Variants in CBLB observed in about 807,000 individuals in gnomAD.
CBLB encodes the protein Cbl proto-oncogene B, also known as E3 ubiquitin-protein ligase CBL-B.
In CBLB, 31 loss-of-function variants were observed where a neutral mutation model predicts 104.9. The ratio of observed to expected loss-of-function variants is 0.30; its 90% CI spans 0.22 to 0.40. The LOEUF is 0.40. CBLB is among the 10% of genes least tolerant of loss of function. The pLI is 1.00. For missense variants in CBLB, 1,062 were observed against 1,214.6 expected, an observed-to-expected ratio of 0.87 and a Z score of 1.87; for synonymous variants, 440 against 422.6, an observed-to-expected ratio of 1.04 and a Z score of -0.51.
At position 105,681,765 on chromosome 3, in the gene CBLB, T is replaced by C. The variant is rs1432751674; in HGVS notation, c.2255A>G (p.Glu752Gly). 1 of 1,611,254 alleles carries C rather than the reference T, an allele frequency of 6.2e-7. No individual in the cohort carries two copies. Among genetic ancestry groups the C allele is most frequent in the Non-Finnish European group, 8.5e-7 (1 of 1,177,672 alleles). Residue 752 changes from glutamate (E) to glycine (G), a missense_variant, in exon 15 of 19, where the codon GAG becomes GGG. Transcript: ENST00000394030. Reference protein sequence around the residue: ...MLNGTHGPSSEKKSNIPDLSI... With the variant: ...MLNGTHGPSSGKKSNIPDLSI... ...TAAGTCAGGGATGTTTGATTTCTTC[T>C]CTGAAGATGGACCATGTGTTCCATT...
intron 18 of CBLB, among the ~76,000 whole-genome samples, chr3:105,660,394 G>A (rs1286838099): frequency 6.6e-6 from 1 of 151,112 alleles, no homozygotes; most frequent in Admixed American, 6.6e-5. Flanking sequence ...GTTTCACCAT[G>A]TTGATCAGGC....
intron 3 of CBLB, among the ~76,000 whole-genome samples, chr3:105,845,379 GA>G (rs34685404): frequency 0.048 from 4,096 of 85,436 alleles, 102 homozygotes; most frequent in East Asian, 0.15. Flanking sequence ...ATGGGGCTTA[GA>G]AAAAAAAAAA....
chr3:105,793,294 G>A (rs1053756500), intron 3 of CBLB, among the ~76,000 whole-genome samples: 2 of 152,080 alleles, frequency 1.3e-5, no homozygotes, highest in African/African-American at 4.8e-5. Flanking sequence ...TCTTGGTGGA[G>A]CACACAAGCA....
rs1376791995 is a variant in CBLB, at chr3:105,734,108, G to A, written c.1104C>T (p.Ser368=). The A allele has an allele frequency of 6.2e-7, 1 of 1,613,884 alleles. No homozygotes were observed. The highest frequency in any genetic ancestry group is 1.7e-5 in the Admixed American group (1 of 60,030). ...EQYELYCEMG[S]TFQLCKICAE... Reference sequence around the variant, plus strand: ...CACAAATCTTACAGAGCTGAAAAGTGGAGCCCATTTCACAATATAATTCAT... The same window carrying A: ...CACAAATCTTACAGAGCTGAAAAGTAGAGCCCATTTCACAATATAATTCAT... Residue 368 remains serine, a synonymous_variant, in exon 9 of 19, where the codon TCC becomes TCT. Transcript: ENST00000394030.
chr3:105,739,609 AC>A (rs2075315031), intron 7 of CBLB, among the ~76,000 whole-genome samples: 1 of 152,218 alleles, frequency 6.6e-6, no homozygotes, highest in African/African-American at 2.4e-5. Flanking sequence ...AATCTAAAAA[AC>A]AAAGGGAAAC....
chr3:105,765,117 C>A (rs565265837), intron 4 of CBLB, among the ~76,000 whole-genome samples: 1 of 152,284 alleles, frequency 6.6e-6, no homozygotes, highest in South Asian at 2.1e-4. Flanking sequence ...TAGCTAAGAT[C>A]ATTGATGAAT....
At chr3:105,822,124 T>A (rs1577515137) in intron 3 of CBLB, among the ~76,000 whole-genome samples, 1 of 152,290 alleles carries the variant, frequency 6.6e-6, no homozygotes, top group East Asian at 1.9e-4. Flanking sequence ...CTTTTATTCA[T>A]CTGCAACTAT....
intron 10 of CBLB, among the ~76,000 whole-genome samples, chr3:105,710,813 A>T (rs140431109): frequency 1.2e-4 from 19 of 152,050 alleles, no homozygotes; most frequent in Admixed American, 1.2e-3. Flanking sequence ...AATAAATACT[A>T]TTATTTATTT....
chr3:105,844,018 G>A (rs549062536), intron 3 of CBLB, among the ~76,000 whole-genome samples: 1 of 152,260 alleles, frequency 6.6e-6, no homozygotes, highest in East Asian at 1.9e-4. Flanking sequence ...AGTCAAGATG[G>A]GGTCACAAGG....
chr3:105,736,092 T>C (rs1366766814), intron 8 of CBLB, among the ~76,000 whole-genome samples: 1 of 152,194 alleles, frequency 6.6e-6, no homozygotes, highest in Non-Finnish European at 1.5e-5. Context: ...ATCTACTGTC[T>C]TAAAAAAAGC....
At chr3:105,711,507 A>T (rs1235944027) in intron 10 of CBLB, among the ~76,000 whole-genome samples, 2 of 152,108 alleles carry the variant, frequency 1.3e-5, no homozygotes, top group Non-Finnish European at 2.9e-5. Flanking sequence ...GCTTACACAC[A>T]TACTCACATA....
At chr3:105,862,749 C>G (rs2092190657) in intron 2 of CBLB, among the ~76,000 whole-genome samples, 1 of 152,102 alleles carries the variant, frequency 6.6e-6, no homozygotes, top group South Asian at 2.1e-4. Flanking sequence ...ATCAAAACCT[C>G]TATCATCTTA....
In CBLB at chr3:105,737,149, C is replaced by T. The variant is rs751170697; in HGVS notation, c.1071+22G>A. The T allele has an allele frequency of 2.6e-4, 335 of 1,276,430 alleles. 1 individual carries two copies. Among genetic ancestry groups the T allele is most frequent in the Middle Eastern group, 2.4e-3 (13 of 5,390 alleles). 79.1% of individuals were successfully genotyped at this position (1,276,430 alleles called of 1,614,324 possible). A position where few individuals can be genotyped will look rare whatever the true frequency, so the allele number is the denominator to read the frequency against. On this transcript the variant is annotated intron_variant, in intron 8 of 18. Coordinates refer to ENST00000394030, the MANE Select transcript of CBLB (RefSeq NM_170662.5). ...CATTATGGATACTTATTTAATTATA[C>T]TTTTCTAGCAATTATCCTTACCTGT...
Position 105,681,563 on chromosome 3 carries a change from T to C in CBLB, c.2344A>G (p.Arg782Gly). 6.2e-7 allele frequency: 1 copy of C among 1,614,074 alleles called. No individual in the cohort carries two copies. Among genetic ancestry groups the C allele is most frequent in the South Asian group, 1.1e-5 (1 of 91,086 alleles). ...ASDPVPLPPARPPTRDNPKHG... is the reference protein window; with the variant it reads ...ASDPVPLPPAGPPTRDNPKHG... ...TTTGGATTGTCCCGAGTTGGAGGCC[T>C]GGCAGGTGGTAATGGCACGGGATCA... The change falls in exon 16 of 19, where the codon AGG becomes GGG. Residue 782 changes from arginine (R) to glycine (G), a missense_variant. By Grantham distance (125) the Arg-to-Gly change is moderately radical (BLOSUM62 -2). Around this residue, in one of 2 missense-constraint regions of CBLB, gnomAD observed 605 missense variants for 582.6 expected, o/e 1.04. Coordinates refer to ENST00000394030, the MANE Select transcript of CBLB (RefSeq NM_170662.5).
Position 105,724,221 on chromosome 3 carries a change from T to C in CBLB, c.1204-3971A>G, listed in dbSNP as rs1410225798. 8 of 165,508 alleles carry C rather than the reference T, an allele frequency of 4.8e-5. No homozygotes were observed. The East Asian group carries it at 7.2e-4, about 15-fold the overall frequency. 10.3% of individuals were successfully genotyped at this position (165,508 alleles called of 1,614,324 possible). A position where few individuals can be genotyped will look rare whatever the true frequency, so the allele number is the denominator to read the frequency against. On this transcript the variant is annotated intron_variant, in intron 9 of 18. Transcript: ENST00000394030. The stretch of plus-strand genomic sequence containing the variant: ...GAACGAATGAAAGAATAAGGAAGGA[T>C]AGTTAATAGTAATCTTAGACAAAAT...
chr3:105,776,949 G>GAA (rs1457334191), intron 3 of CBLB, among the ~76,000 whole-genome samples: 1 of 152,104 alleles, frequency 6.6e-6, no homozygotes, highest in African/African-American at 2.4e-5. Context: ...AATCTAGGAA[G>GAA]AAAACTCATT....
intron 9 of CBLB, among the ~76,000 whole-genome samples, chr3:105,724,527 A>G (rs1310423290): frequency 6.6e-6 from 1 of 152,160 alleles, no homozygotes; most frequent in Admixed American, 6.5e-5. Flanking sequence ...AAATGAGATA[A>G]ATTAGTTTAA....
intron 2 of CBLB, among the ~76,000 whole-genome samples, chr3:105,862,197 T>C (rs755873750): frequency 4.6e-5 from 7 of 152,230 alleles, no homozygotes; most frequent in Non-Finnish European, 8.8e-5. Context: ...GCTATCTCTA[T>C]GAGAATATCT....
intron 8 of CBLB, among the ~76,000 whole-genome samples, chr3:105,735,379 AATAG>A (rs938720762): frequency 2.0e-5 from 3 of 152,214 alleles, no homozygotes; most frequent in African/African-American, 7.2e-5. Flanking sequence ...TCCCTGAAAT[AATAG>A]ATAAGTATTG....
Sources: allele counts gnomAD v4.1 joint callset (sites outside exome capture counted in the v4.1 genomes callset), GRCh38; gene constraint gnomAD v4.1.1; regional missense constraint gnomAD v4.1.1; transcripts MANE v1.5; gene names NCBI Gene and HGNC (gene_info 2026-07-23, HGNC 2026-07-21).